Variants in PTPN4 observed in about 807,000 individuals in gnomAD.
PTPN4 encodes the protein protein tyrosine phosphatase non-receptor type 4.
In PTPN4, 49 loss-of-function variants were observed where a neutral mutation model predicts 135.5. That is an observed-to-expected ratio of 0.36 (90% CI 0.29 to 0.46). The LOEUF (loss-of-function observed/expected upper bound fraction) is 0.46. Among genes scored for constraint, PTPN4 ranks in the 20% least tolerant of loss-of-function variants. The pLI, the probability that PTPN4 is intolerant of heterozygous loss-of-function variation, is 1.00. For missense variants in PTPN4, 860 were observed against 1,101.0 expected, an observed-to-expected ratio of 0.78 and a Z score of 3.10; for synonymous variants, 333 against 369.9, an observed-to-expected ratio of 0.90 and a Z score of 1.14.
At position 119,965,509 on chromosome 2, in the gene PTPN4, C is replaced by T; in HGVS notation, c.2422C>T (p.Arg808Cys). ...TLFNQEKNES[R>C]PLTQIQYIAW... ...CATTTGTTCTTAGAAAAATGAAAGTCGTCCACTCACTCAGATCCAGTACAT... is the reference window on the plus strand; with the variant it reads ...CATTTGTTCTTAGAAAAATGAAAGTTGTCCACTCACTCAGATCCAGTACAT... The change falls in exon 25 of 27, where the codon CGT becomes TGT. Residue 808 changes from arginine to cysteine, a missense_variant. Transcript: ENST00000263708. The T allele has an allele frequency of 6.2e-7, 1 of 1,601,944 alleles. No homozygotes were observed. The highest frequency in any genetic ancestry group is 8.5e-7 in the Non-Finnish European group (1 of 1,176,368).
At chr2:119,895,078 C>A (rs1265572383) in intron 9 of PTPN4, among the ~76,000 whole-genome samples, 1 of 152,024 alleles carries the variant, frequency 6.6e-6, no homozygotes, top group Non-Finnish European at 1.5e-5. Context: ...AAAATATACA[C>A]CAAATTGTTA....
At chr2:119,910,763 T>C (rs1678559842) in intron 10 of PTPN4, among the ~76,000 whole-genome samples, 1 of 152,170 alleles carries the variant, frequency 6.6e-6, no homozygotes, top group Non-Finnish European at 1.5e-5. Context: ...AGTACCTTGC[T>C]TGCCCTTTGC....
At chr2:119,787,744 AGTT>A (rs1691071700) in intron 1 of PTPN4, among the ~76,000 whole-genome samples, 1 of 152,192 alleles carries the variant, frequency 6.6e-6, no homozygotes, top group Non-Finnish European at 1.5e-5. Flanking sequence ...GAACCTATGT[AGTT>A]CTATTTCTTC....
rs893937948 is a variant in PTPN4, at chr2:119,984,816, G to A, written c.*7746G>A. The stretch of plus-strand genomic sequence containing the variant: ...CCATATTTCATTTTGAGAAACAGTT[G>A]TTCAGGTACAAACATGACAAACAAC... On this transcript the variant is annotated 3_prime_UTR_variant, in exon 27 of 27. Coordinates refer to ENST00000263708, the MANE Select transcript of PTPN4 (RefSeq NM_002830.4). Among the ~76,000 whole-genome samples the A allele has an allele frequency of 6.6e-6, 1 of 152,148 alleles. No homozygotes were observed. Among genetic ancestry groups the A allele is most frequent in the Admixed American group, 6.5e-5 (1 of 15,272 alleles).
At chr2:119,804,914 A>G (rs1271945672) in intron 1 of PTPN4, among the ~76,000 whole-genome samples, 3 of 152,102 alleles carry the variant, frequency 2.0e-5, no homozygotes, top group Non-Finnish European at 2.9e-5. Context: ...AAAGTGTTCT[A>G]TTTCTCCACA....
At chr2:119,927,737 G>A (rs2105034025) in intron 13 of PTPN4, among the ~76,000 whole-genome samples, 1 of 152,294 alleles carries the variant, frequency 6.6e-6, no homozygotes, top group East Asian at 1.9e-4. Flanking sequence ...AATTAGTTAT[G>A]TGTTTGGCAT....
At chr2:119,879,578 G>C (rs1437293511) in intron 5 of PTPN4, among the ~76,000 whole-genome samples, 2 of 152,192 alleles carry the variant, frequency 1.3e-5, no homozygotes, top group Non-Finnish European at 2.9e-5. Flanking sequence ...AGATAATTCT[G>C]ATTGAACAGG....
intron 9 of PTPN4, among the ~76,000 whole-genome samples, chr2:119,888,377 T>C (rs182462277): frequency 6.6e-6 from 1 of 152,288 alleles, no homozygotes; most frequent in Non-Finnish European, 1.5e-5. Flanking sequence ...GGACTTCCAC[T>C]ACTATGTTGA....
chr2:119,921,611 G>A (rs533690945), intron 12 of PTPN4, among the ~76,000 whole-genome samples: 25 of 139,598 alleles, frequency 1.8e-4, no homozygotes, highest in African/African-American at 5.5e-4. Flanking sequence ...TTGCTGTCAC[G>A]TTTAACTCCT....
chr2:119,895,240 G>A (rs1453082687), intron 9 of PTPN4, among the ~76,000 whole-genome samples: 3 of 152,254 alleles, frequency 2.0e-5, no homozygotes, highest in South Asian at 2.1e-4. Flanking sequence ...TGTCTCCACC[G>A]TGTAAAATTA....
At chr2:119,907,178 A>T (rs534161353) in intron 10 of PTPN4, among the ~76,000 whole-genome samples, 4 of 152,356 alleles carry the variant, frequency 2.6e-5, no homozygotes, top group East Asian at 1.9e-4. Flanking sequence ...AAAACATCTC[A>T]TACTCATGAA....
Position 119,798,172 on chromosome 2 carries a change from T to TA in PTPN4, c.-17-11665_-17-11664insA, listed in dbSNP as rs1193104426. 6.6e-5 allele frequency among the ~76,000 whole-genome samples: 10 copies of TA among 151,942 alleles called. No homozygotes were observed. The East Asian group carries it at 1.5e-3, about 23-fold the overall frequency. On this transcript the variant is annotated intron_variant, in intron 1 of 26. Transcript: ENST00000263708. Reference sequence around the variant, plus strand: ...ATACCAATTTTACTGCAACATCTTTTTTTTTTTTTTTGAGACGGAGTTTTG... The same window carrying TA: ...ATACCAATTTTACTGCAACATCTTTTATTTTTTTTTTTGAGACGGAGTTTTG...
At chr2:119,782,241 A>AC (rs1256585004) in intron 1 of PTPN4, among the ~76,000 whole-genome samples, 4 of 152,056 alleles carry the variant, frequency 2.6e-5, no homozygotes, top group Non-Finnish European at 5.9e-5. Flanking sequence ...ACATGGTGAA[A>AC]CCCCGTCTCT....
In PTPN4 at chr2:119,945,103, G is replaced by A; in HGVS notation, c.1378G>A (p.Gly460Arg). 6.2e-7 allele frequency: 1 copy of A among 1,603,552 alleles called. No homozygotes were observed. The highest frequency in any genetic ancestry group is 1.7e-5 in the Admixed American group (1 of 57,760). Reference sequence around the variant, plus strand: ...TAGATCACAAGAGACCCCTGGAGATGGGAAGCCTCCAGCTTTACCACCCAA... The same window carrying A: ...TAGATCACAAGAGACCCCTGGAGATAGGAAGCCTCCAGCTTTACCACCCAA... The part of the protein sequence containing the change: ...SSPSQETPGD[G>R]KPPALPPKQS... The change falls in exon 16 of 27, where the codon GGG becomes AGG. Residue 460 changes from glycine to arginine, a missense_variant. Physicochemically the swap from Gly to Arg is moderately radical, Grantham distance 125. This residue lies in a region of PTPN4 where 684 missense variants were observed against 807.0 expected (regional missense o/e 0.85). Coordinates refer to ENST00000263708, the MANE Select transcript of PTPN4 (RefSeq NM_002830.4).
In PTPN4 at chr2:119,900,705, AT is replaced by A. The variant is rs747156252; in HGVS notation, c.676-5del. On this transcript the variant is annotated splice_polypyrimidine_tract_variant and intron_variant, in intron 9 of 26. Coordinates refer to ENST00000263708, the MANE Select transcript of PTPN4 (RefSeq NM_002830.4). The stretch of plus-strand genomic sequence containing the variant: ...ATTTAGATTTATCATGTTTTTATTC[AT>A]TTTTTTTGAAGGATCAGAGTAACAA... 2.8e-4 allele frequency: 407 copies of A among 1,469,304 alleles called. No individual in the cohort carries two copies. The highest frequency in any genetic ancestry group is 7.3e-4 in the South Asian group (56 of 76,802). 91.0% of individuals were successfully genotyped at this position (1,469,304 alleles called of 1,614,324 possible).
At chr2:119,901,458 A>G (rs1424800864) in intron 10 of PTPN4, among the ~76,000 whole-genome samples, 1 of 152,216 alleles carries the variant, frequency 6.6e-6, no homozygotes, top group African/African-American at 2.4e-5. Context: ...TCTGACACCT[A>G]CGGTTTGTAC....
Position 119,876,691 on chromosome 2 carries a change from A to G in PTPN4, c.247-632A>G, listed in dbSNP as rs544075293. Among the ~76,000 whole-genome samples the G allele has an allele frequency of 3.6e-3, 551 of 152,280 alleles. 3 individuals carry two copies. Among genetic ancestry groups the G allele is most frequent in the African/African-American group, 0.013 (529 of 41,564 alleles). ...AAATAGAGCTAAACTGGCCTTCAGA[A>G]GTATTGAAACTGCTTAAAATTTCTC... On this transcript the variant is annotated intron_variant, in intron 3 of 26. Transcript: ENST00000263708.
intron 11 of PTPN4, among the ~76,000 whole-genome samples, chr2:119,919,190 G>A (rs1678702481): frequency 6.6e-6 from 1 of 152,112 alleles, no homozygotes; most frequent in Admixed American, 6.5e-5. Context: ...TGCAATTATG[G>A]GATGTGAATG....
At chr2:119,851,093 A>G (rs1043719013) in intron 2 of PTPN4, among the ~76,000 whole-genome samples, 2 of 152,184 alleles carry the variant, frequency 1.3e-5, no homozygotes, top group Admixed American at 6.5e-5. Context: ...TTCTGGAGGA[A>G]GATTGTGTAG....
Sources: gnomAD v4.1 joint callset for allele counts (sites outside exome capture counted in the v4.1 genomes callset) on GRCh38, gnomAD v4.1.1 for gene constraint, gnomAD v4.1.1 regional missense constraint, MANE v1.5 for transcripts, NCBI Gene and HGNC (gene_info 2026-07-23, HGNC 2026-07-21) for gene names.